BAZ1A: variants seen among roughly 807,000 people sequenced by gnomAD.
BAZ1A encodes bromodomain adjacent to zinc finger domain protein 1A.
BAZ1A carries 50 observed loss-of-function variants against 185.2 expected under a neutral mutation model. That is an observed-to-expected ratio of 0.27 (90% confidence interval 0.22 to 0.34). BAZ1A has a LOEUF of 0.34. Ranked by LOEUF, BAZ1A falls within the 10% of genes least tolerant of loss-of-function variation. The pLI is 1.00. For missense variants in BAZ1A, 1,356 were observed against 1,839.9 expected (o/e 0.74, Z 4.81); for synonymous variants, 571 against 615.6 (o/e 0.93, Z 1.07).
At chr14:34,854,620 C>CACAT (rs904408131) in intron 3 of BAZ1A, among the ~76,000 whole-genome samples, 1 of 152,118 alleles carries the variant, frequency 6.6e-6, no homozygotes. Context: ...ATACAATACA[C>CACAT]ACATACATAC....
chr14:34,792,051 C>T (rs1026696112), intron 12 of BAZ1A, among the ~76,000 whole-genome samples: 5 of 152,132 alleles, frequency 3.3e-5, no homozygotes, highest in Non-Finnish European at 5.9e-5. Flanking sequence ...AAAATGAAAT[C>T]AGCAGTAGTA....
At chr14:34,814,650 T>C (rs536574717) in intron 4 of BAZ1A, among the ~76,000 whole-genome samples, 2 of 152,102 alleles carry the variant, frequency 1.3e-5, no homozygotes, top group South Asian at 2.1e-4. Flanking sequence ...TTTGTATTTT[T>C]TTTTTGTAGA....
At chr14:34,778,122 C>T (rs1879775594) in intron 17 of BAZ1A, among the ~76,000 whole-genome samples, 1 of 152,220 alleles carries the variant, frequency 6.6e-6, no homozygotes, top group Non-Finnish European at 1.5e-5. Context: ...AGAAGGACAA[C>T]ATTTCCCATA....
At position 34,763,569 on chromosome 14, in the gene BAZ1A, C is replaced by G. The variant is rs182968690; in HGVS notation, c.3776+1138G>C. Among the ~76,000 whole-genome samples, 509 of 152,200 alleles carry G rather than the reference C, an allele frequency of 3.3e-3. 3 individuals are homozygous for G. Among genetic ancestry groups the G allele is most frequent in the African/African-American group, 0.012 (488 of 41,514 alleles). ...TATAGCTACCGGTTAGACATAGGCACCTCATTTTATAGTGCTTTGTGCTTC... is the reference window on the plus strand; with the variant it reads ...TATAGCTACCGGTTAGACATAGGCAGCTCATTTTATAGTGCTTTGTGCTTC... On this transcript the variant is annotated intron_variant, in intron 23 of 26. Coordinates refer to ENST00000360310, the MANE Select transcript of BAZ1A (RefSeq NM_013448.3).
At chr14:34,774,197 T>TA (rs1879433951) in intron 19 of BAZ1A, 130 bp downstream of exon 19, 1 of 688,788 alleles carries the variant, frequency 1.5e-6, no homozygotes, top group Non-Finnish European at 2.2e-6. Context: ...TAAGTTTTCA[T>TA]AAAAAATTTA....
chr14:34,793,035 T>A (rs1880951678), intron 11 of BAZ1A, 114 bp from the exon 12 acceptor site: 1 of 938,880 alleles, frequency 1.1e-6, no homozygotes, highest in Non-Finnish European at 1.5e-6. Flanking sequence ...TTCTTAAGCA[T>A]CAATTTATGA....
intron 18 of BAZ1A, among the ~76,000 whole-genome samples, chr14:34,774,820 T>C (rs1879476908): frequency 6.6e-6 from 1 of 151,988 alleles, no homozygotes; most frequent in Admixed American, 6.6e-5. Flanking sequence ...TATAAAGAAC[T>C]CTTACAGCAC....
At chr14:34,834,835 T>C (rs1445325087) in intron 3 of BAZ1A, among the ~76,000 whole-genome samples, 1 of 152,160 alleles carries the variant, frequency 6.6e-6, no homozygotes, top group Non-Finnish European at 1.5e-5. Flanking sequence ...CAGAGAATCA[T>C]GAATTAAGAC....
chr14:34,811,206 G>A (rs925268155), intron 4 of BAZ1A, among the ~76,000 whole-genome samples, 170 bp from the exon 5 acceptor site: 3 of 151,954 alleles, frequency 2.0e-5, no homozygotes, highest in African/African-American at 7.3e-5. Context: ...ATGCAATGGT[G>A]CAGTCTCAGC....
intron 5 of BAZ1A, among the ~76,000 whole-genome samples, chr14:34,809,183 C>CA (rs1226728078): frequency 6.6e-6 from 1 of 152,124 alleles, no homozygotes; most frequent in Non-Finnish European, 1.5e-5. Context: ...CTTGAACATT[C>CA]AAAGATTTCC....
At chr14:34,769,666 GC>G (rs1879080452) in intron 21 of BAZ1A, among the ~76,000 whole-genome samples, 1 of 152,128 alleles carries the variant, frequency 6.6e-6, no homozygotes, top group African/African-American at 2.4e-5. Context: ...GGGAAAATAA[GC>G]AATATTGTGT....
intron 3 of BAZ1A, among the ~76,000 whole-genome samples, chr14:34,852,551 G>A (rs967177114): frequency 2.0e-4 from 30 of 152,136 alleles, no homozygotes; most frequent in Middle Eastern, 6.8e-3. Context: ...CCTGGGAGTC[G>A]GAAGTCGCAG....
intron 3 of BAZ1A, among the ~76,000 whole-genome samples, chr14:34,843,518 G>C (rs1013373617): frequency 6.6e-6 from 1 of 152,062 alleles, no homozygotes; most frequent in African/African-American, 2.4e-5. Context: ...CTAGATTCTA[G>C]GACCTAGACA....
intron 12 of BAZ1A, among the ~76,000 whole-genome samples, chr14:34,787,343 C>G: frequency 2.6e-5 from 1 of 37,756 alleles, no homozygotes; most frequent in African/African-American, 8.9e-5. Context: ...CAGAGCAAGA[C>G]TCTGTCTCAA....
chr14:34,769,835 C>T (rs1408004658), intron 21 of BAZ1A, among the ~76,000 whole-genome samples: 1 of 152,106 alleles, frequency 6.6e-6, no homozygotes, highest in Non-Finnish European at 1.5e-5. Flanking sequence ...ATCCCTTGTA[C>T]ACATAACTGG....
rs1395018818 is a variant in BAZ1A at position 34,783,764 on chromosome 14, G to A, written c.1995C>T (p.Ala665=). 2 of 1,602,486 alleles carry A rather than the reference G, an allele frequency of 1.2e-6. No individual in the cohort carries two copies. The highest frequency in any genetic ancestry group is 1.3e-5 in the African/African-American group (1 of 74,142). The change falls in exon 15 of 27, where the codon GCC becomes GCT. Residue 665 remains alanine, a splice_region_variant and synonymous_variant. Transcript: ENST00000360310. Reference sequence around the variant, plus strand: ...CAACTATTACAATTATCTCTTACCTGGCAGCTGCTTCTTCCCTCTCTTTTC... The same window carrying A: ...CAACTATTACAATTATCTCTTACCTAGCAGCTGCTTCTTCCCTCTCTTTTC... ...QHRKEREEAA[A]RIRKRKEEKL...
At chr14:34,770,089 C>T (rs1687168875) in intron 21 of BAZ1A, among the ~76,000 whole-genome samples, 1 of 152,202 alleles carries the variant, frequency 6.6e-6, no homozygotes, top group African/African-American at 2.4e-5. Context: ...AGTATATTCA[C>T]ATTTCAAAAC....
intron 9 of BAZ1A, 94 bp downstream of exon 9, chr14:34,800,130 G>A: frequency 8.6e-7 from 1 of 1,157,910 alleles, no homozygotes; most frequent in Non-Finnish European, 1.2e-6. Context: ...GTGAATGAAA[G>A]TAGTAAAAGC....
chr14:34,821,800 CATGG>C (rs1457790618), intron 4 of BAZ1A, among the ~76,000 whole-genome samples: 1 of 151,910 alleles, frequency 6.6e-6, no homozygotes, highest in Non-Finnish European at 1.5e-5. Flanking sequence ...GCCTGACCAA[CATGG>C]AGAAACCCCA....
Sources: gnomAD v4.1 joint callset for allele counts (sites outside exome capture counted in the v4.1 genomes callset) on GRCh38, gnomAD v4.1.1 for gene constraint, MANE v1.5 for transcripts, NCBI Gene and HGNC (gene_info 2026-07-23, HGNC 2026-07-21) for gene names.